The following TP63 variants were observed in gnomAD, a reference collection of about 807,000 sequenced individuals.
TP63 encodes tumor protein 63.
Under a neutral mutation model 82.8 loss-of-function variants are expected in TP63, and 17 were observed. The observed-to-expected ratio is 0.21, with a 90% confidence interval of 0.14 to 0.31. The LOEUF is 0.31. Among genes scored for constraint, TP63 ranks in the 10% least tolerant of loss-of-function variants. The pLI, the probability that TP63 is intolerant of heterozygous loss-of-function variation, is 1.00. For missense variants in TP63, 648 were observed against 895.3 expected (o/e 0.72, Z 3.52); for synonymous variants, 330 against 321.7 (o/e 1.03, Z -0.28).
At chr3:189,600,249 G>T in the TP63 span, among the ~76,000 whole-genome samples, 2 of 152,154 alleles carry the variant, frequency 1.3e-5, no homozygotes, top group African/African-American at 2.4e-5. Flanking sequence ...ATGGATCATG[G>T]ATTCTAATCC....
At chr3:189,738,290 G>A (rs1720742722) in intron 2 of TP63, among the ~76,000 whole-genome samples, 1 of 152,216 alleles carries the variant, frequency 6.6e-6, no homozygotes, top group Non-Finnish European at 1.5e-5. Context: ...GGATAAGTGA[G>A]TAAATTAAGA....
At chr3:189,840,142 T>C (rs983202114) in intron 4 of TP63, among the ~76,000 whole-genome samples, 1 of 152,176 alleles carries the variant, frequency 6.6e-6, no homozygotes, top group Admixed American at 6.5e-5. Context: ...TTTACATCTG[T>C]CATATTACCC....
At chr3:189,645,044 T>C (rs1335437662) in intron 1 of TP63, among the ~76,000 whole-genome samples, 1 of 152,110 alleles carries the variant, frequency 6.6e-6, no homozygotes, top group Non-Finnish European at 1.5e-5. Context: ...TCAGACATCC[T>C]AGTTTCCAAT....
intron 3 of TP63, among the ~76,000 whole-genome samples, chr3:189,773,084 T>C (rs1311677902): frequency 3.9e-5 from 6 of 152,202 alleles, no homozygotes; most frequent in South Asian, 4.1e-4. Flanking sequence ...TTTTGCCCTT[T>C]CTCTGTGAAG....
At chr3:189,869,598 G>C (rs1357133401) in intron 9 of TP63, among the ~76,000 whole-genome samples, 192 bp downstream of exon 9, 1 of 152,172 alleles carries the variant, frequency 6.6e-6, no homozygotes, top group Non-Finnish European at 1.5e-5. Context: ...GAGTCTGGAA[G>C]TCTGAGATCA....
chr3:189,807,608 A>G (rs1727053335), intron 3 of TP63, among the ~76,000 whole-genome samples: 1 of 152,348 alleles, frequency 6.6e-6, no homozygotes, highest in African/African-American at 2.4e-5. Flanking sequence ...AAGAACAAAT[A>G]AAAAAGAATT....
chr3:189,675,283 T>C (rs1715289842), intron 1 of TP63, among the ~76,000 whole-genome samples: 1 of 151,970 alleles, frequency 6.6e-6, no homozygotes, highest in Non-Finnish European at 1.5e-5. Flanking sequence ...GATTTCAACA[T>C]GGAATTTGAG....
At chr3:189,762,206 T>G (rs193094748) in intron 3 of TP63, among the ~76,000 whole-genome samples, 31 of 152,348 alleles carry the variant, frequency 2.0e-4, no homozygotes, top group African/African-American at 7.2e-4. Flanking sequence ...AGATGCAAAT[T>G]TCCCCCCACA....
chr3:189,892,302 A>G (rs1721099421), intron 13 of TP63, among the ~76,000 whole-genome samples: 1 of 152,202 alleles, frequency 6.6e-6, no homozygotes, highest in South Asian at 2.1e-4. Context: ...TAGGATCTGC[A>G]GATACCCTTT....
At chr3:189,685,791 CCCCAGACA>C (rs1232114297) in intron 1 of TP63, among the ~76,000 whole-genome samples, 1 of 152,114 alleles carries the variant, frequency 6.6e-6, no homozygotes, top group East Asian at 1.9e-4. Flanking sequence ...AGTCATCTTA[CCCCAGACA>C]TGTAGGATGT....
At position 189,703,326 on chromosome 3, in the gene TP63, C is replaced by A. The variant is rs536694470; in HGVS notation, c.63-34414C>A. 2.0e-5 allele frequency among the ~76,000 whole-genome samples: 3 copies of A among 152,226 alleles called. No homozygotes were observed. The South Asian group carries it at 6.2e-4, about 32-fold the overall frequency. Reference sequence around the variant, plus strand: ...GCATGCGCCTGTAGTCCCAGCTACTCAGGAGGCTGAGGCAGGAGGAGACTG... The same window carrying A: ...GCATGCGCCTGTAGTCCCAGCTACTAAGGAGGCTGAGGCAGGAGGAGACTG... On this transcript the variant is annotated intron_variant, in intron 1 of 13. Transcript: ENST00000264731.
At chr3:189,639,172 G>A (rs1013844862) in intron 1 of TP63, among the ~76,000 whole-genome samples, 7 of 152,126 alleles carry the variant, frequency 4.6e-5, no homozygotes, top group African/African-American at 1.7e-4. Context: ...CAAGCAACAA[G>A]TGATGGGTAG....
At chr3:189,774,908 A>C (rs1175687671) in intron 3 of TP63, among the ~76,000 whole-genome samples, 1 of 152,190 alleles carries the variant, frequency 6.6e-6, no homozygotes, top group Non-Finnish European at 1.5e-5. Context: ...TTGAGGTACA[A>C]ATCTTTTCCC....
chr3:189,687,422 A>G (rs1716535853), intron 1 of TP63, among the ~76,000 whole-genome samples: 1 of 152,156 alleles, frequency 6.6e-6, no homozygotes, highest in African/African-American at 2.4e-5. Flanking sequence ...AATCAGCATT[A>G]TTTTATCTTT....
the TP63 span, among the ~76,000 whole-genome samples, chr3:189,606,083 A>C: frequency 1.9e-4 from 29 of 152,318 alleles, no homozygotes; most frequent in African/African-American, 6.3e-4. Context: ...AAATATCACA[A>C]ACCTAACCAC....
At chr3:189,808,915 T>C (rs1727232130) in intron 4 of TP63, among the ~76,000 whole-genome samples, 1 of 152,220 alleles carries the variant, frequency 6.6e-6, no homozygotes, top group Admixed American at 6.5e-5. Flanking sequence ...GAAGTAAGTG[T>C]CACATTAAGT....
At chr3:189,892,574 C>T (rs923349571) in intron 13 of TP63, among the ~76,000 whole-genome samples, 10 of 152,164 alleles carry the variant, frequency 6.6e-5, no homozygotes, top group East Asian at 1.9e-4. Context: ...AGGCGGATCA[C>T]GAGGTCAGGA....
chr3:189,768,103 G>A (rs562823805), intron 3 of TP63, among the ~76,000 whole-genome samples: 1 of 152,130 alleles, frequency 6.6e-6, no homozygotes, highest in South Asian at 2.1e-4. Flanking sequence ...CCCCCCGCGT[G>A]TATGAATAAC....
chr3:189,657,890 A>G (rs1016833951), intron 1 of TP63, among the ~76,000 whole-genome samples: 4 of 152,046 alleles, frequency 2.6e-5, no homozygotes, highest in African/African-American at 9.7e-5. Flanking sequence ...ATATTCCTTG[A>G]TTCTAGGACT....
Sources: gnomAD v4.1 joint callset for allele counts (sites outside exome capture counted in the v4.1 genomes callset) on GRCh38, gnomAD v4.1.1 for gene constraint, MANE v1.5 for transcripts, NCBI Gene and HGNC (gene_info 2026-07-23, HGNC 2026-07-21) for gene names.